Variants in COPS4 observed in about 807,000 individuals in gnomAD.
COPS4 encodes COP9 signalosome complex subunit 4.
Under a neutral mutation model 55.1 loss-of-function variants are expected in COPS4, and 8 were observed. The ratio of observed to expected loss-of-function variants is 0.15; its 90% CI spans 0.09 to 0.26. The LOEUF is 0.26. Among genes scored for constraint, COPS4 ranks in the 10% least tolerant of loss-of-function variants. The probability of loss-of-function intolerance (pLI) is 1.00; values close to 1 mark genes in which losing one functional copy is unlikely to be tolerated. For missense variants in COPS4, 248 were observed against 484.0 expected, an observed-to-expected ratio of 0.51 and a Z score of 4.58; for synonymous variants, 185 against 165.7, an observed-to-expected ratio of 1.12 and a Z score of -0.90.
intron 9 of COPS4, among the ~76,000 whole-genome samples, chr4:83,068,863 A>C (rs1311766708): frequency 6.6e-6 from 1 of 152,006 alleles, no homozygotes; most frequent in Non-Finnish European, 1.5e-5. Flanking sequence ...CCAGCTACTC[A>C]GGAGGCTGAG....
Position 83,049,985 on chromosome 4 carries a change from G to A in COPS4, c.410+1G>A. On this transcript the variant is annotated splice_donor_variant, in intron 4 of 9. Coordinates refer to ENST00000264389, the MANE Select transcript of COPS4 (RefSeq NM_016129.3). LOFTEE classifies it high-confidence loss of function. The stretch of plus-strand genomic sequence containing the variant: ...GAATTCCTTTGGAAACAGGACAAAA[G>A]TATAGTAAATAGTGGATATTGGATG... 6.4e-7 allele frequency: 1 copy of A among 1,568,520 alleles called. No homozygotes were observed. Among genetic ancestry groups the A allele is most frequent in the Non-Finnish European group, 8.8e-7 (1 of 1,142,470 alleles).
chr4:83,053,499 T>G (rs906097726), intron 4 of COPS4, among the ~76,000 whole-genome samples: 3 of 151,934 alleles, frequency 2.0e-5, no homozygotes, highest in Non-Finnish European at 4.4e-5. Context: ...GGTTCAAGGA[T>G]TGTTGGGTTT....
At position 83,049,317 on chromosome 4, in the gene COPS4, G is replaced by A; in HGVS notation, c.306G>A (p.Gln102=). The part of the protein sequence containing the change: ...IQPRVISFEE[Q]VASIRQHLAS... Reference sequence around the variant, plus strand: ...CTAGAGTCATTTCATTTGAGGAGCAGGTAAAAATCTAGAGAAGTGGTTTTT... The same window carrying A: ...CTAGAGTCATTTCATTTGAGGAGCAAGTAAAAATCTAGAGAAGTGGTTTTT... Residue 102 remains glutamine, a splice_region_variant and synonymous_variant, in exon 3 of 10, where the codon CAG becomes CAA. Transcript: ENST00000264389. The A allele has an allele frequency of 6.4e-7, 1 of 1,572,442 alleles. No homozygotes were observed. The highest frequency in any genetic ancestry group is 8.6e-7 in the Non-Finnish European group (1 of 1,166,766).
intron 1 of COPS4, among the ~76,000 whole-genome samples, chr4:83,041,661 T>A (rs181110429): frequency 2.4e-4 from 36 of 151,786 alleles, no homozygotes; most frequent in African/African-American, 8.5e-4. Context: ...AGAGATGGGG[T>A]TTCTCCGTGT....
At chr4:83,061,181 C>T (rs541496600) in intron 6 of COPS4, among the ~76,000 whole-genome samples, 86 of 151,182 alleles carry the variant, frequency 5.7e-4, no homozygotes, top group Non-Finnish European at 9.4e-4. Flanking sequence ...TTTTACTTTA[C>T]TTTTTTTTCT....
chr4:83,073,144 C>A, intron 9 of COPS4: 2 of 525,838 alleles, frequency 3.8e-6, no homozygotes, highest in South Asian at 2.9e-5. Context: ...ACGACATTTT[C>A]ATCTTTCCAA....
At chr4:83,062,367 A>C (rs1731182010) in intron 6 of COPS4, among the ~76,000 whole-genome samples, 1 of 152,154 alleles carries the variant, frequency 6.6e-6, no homozygotes, top group Non-Finnish European at 1.5e-5. Flanking sequence ...TTATCTGTGG[A>C]TTCCATGTTT....
At chr4:83,047,568 C>CAT (rs145713251) in intron 2 of COPS4, among the ~76,000 whole-genome samples, 33 of 151,388 alleles carry the variant, frequency 2.2e-4, no homozygotes, top group East Asian at 2.0e-3. Flanking sequence ...AATTAAAAAA[C>CAT]ATATATATAT....
At chr4:83,073,233 G>C (rs749496642) in intron 9 of COPS4, 1 of 680,924 alleles carries the variant, frequency 1.5e-6, no homozygotes, top group Non-Finnish European at 2.7e-6. Flanking sequence ...TCCATCTTCT[G>C]TCTCTGGATT....
intron 7 of COPS4, 119 bp from the exon 8 acceptor site, chr4:83,066,319 G>C (rs776191944): frequency 2.0e-6 from 1 of 508,096 alleles, no homozygotes; most frequent in Admixed American, 3.3e-5. Context: ...TTAAAATTTT[G>C]ATCAGAGGAG....
intron 7 of COPS4, chr4:83,065,169 C>G (rs1420218711): frequency 2.1e-6 from 1 of 481,262 alleles, no homozygotes; most frequent in Non-Finnish European, 3.7e-6. Context: ...AGCCACTGCA[C>G]CTGCCTGCTT....
At chr4:83,036,996 C>G (rs1054739409) in intron 1 of COPS4, among the ~76,000 whole-genome samples, 2 of 152,186 alleles carry the variant, frequency 1.3e-5, no homozygotes, top group African/African-American at 4.8e-5. Context: ...AAACCAAAAA[C>G]TTAACCAGTG....
chr4:83,050,457 C>T (rs1730864225), intron 4 of COPS4, among the ~76,000 whole-genome samples: 3 of 152,112 alleles, frequency 2.0e-5, no homozygotes, highest in South Asian at 4.1e-4. Flanking sequence ...ACCACCACAC[C>T]TGGCTATTTT....
At chr4:83,046,539 G>A (rs1578706304) in intron 2 of COPS4, among the ~76,000 whole-genome samples, 1 of 152,292 alleles carries the variant, frequency 6.6e-6, no homozygotes, top group Admixed American at 6.5e-5. Context: ...CTTAACTTAT[G>A]TGTGAATCAA....
chr4:83,055,061 TC>T (rs200217510), intron 4 of COPS4, among the ~76,000 whole-genome samples: 151,586 of 152,352 alleles, frequency 0.99, 75,412 homozygotes, highest in Middle Eastern at 1. Flanking sequence ...CTCCTCCCAT[TC>T]TCCTTTGCCC....
chr4:83,051,012 A>G (rs1472514985), intron 4 of COPS4, among the ~76,000 whole-genome samples: 1 of 151,576 alleles, frequency 6.6e-6, no homozygotes, highest in Non-Finnish European at 1.5e-5. Flanking sequence ...TGGTCCAAGC[A>G]CTTTGGGAGG....
At chr4:83,070,049 A>G (rs1016774465) in intron 9 of COPS4, among the ~76,000 whole-genome samples, 6 of 152,178 alleles carry the variant, frequency 3.9e-5, no homozygotes, top group African/African-American at 1.4e-4. Context: ...TTTTCAACAT[A>G]TCAAATAGTG....
intron 8 of COPS4, among the ~76,000 whole-genome samples, chr4:83,068,080 A>T (rs2126134477): frequency 6.6e-6 from 1 of 152,288 alleles, no homozygotes. Context: ...GGGGTAGCAA[A>T]TACTGTGGAA....
At position 83,045,674 on chromosome 4, in the gene COPS4, A is replaced by G. The variant is rs772383021; in HGVS notation, c.123A>G (p.Gln41=). Residue 41 remains glutamine (Q), a synonymous_variant, in exon 2 of 10, where the codon CAA becomes CAG. Coordinates refer to ENST00000264389, the MANE Select transcript of COPS4 (RefSeq NM_016129.3). The part of the protein sequence containing the change: ...EKAIQLSGAE[Q]LEALKAFVEA... ...CCATTCAGTTATCTGGAGCAGAACA[A>G]CTAGAAGCTTTGAAAGCTTTTGTGG... The G allele has an allele frequency of 8.1e-6, 13 of 1,613,032 alleles. No homozygotes were observed. Among genetic ancestry groups the G allele is most frequent in the Admixed American group, 5.0e-5 (3 of 59,976 alleles).
Sources: allele counts gnomAD v4.1 joint callset (sites outside exome capture counted in the v4.1 genomes callset), GRCh38; gene constraint gnomAD v4.1.1; transcripts MANE v1.5; gene names NCBI Gene and HGNC (gene_info 2026-07-23, HGNC 2026-07-21).